The following POLR3E variants were observed in gnomAD, a reference collection of about 807,000 sequenced individuals.
POLR3E encodes the protein DNA-directed RNA polymerase III subunit RPC5.
A neutral mutation model predicts 96.6 loss-of-function variants in POLR3E; 41 were observed. That is an observed-to-expected ratio of 0.42 (90% CI 0.33 to 0.55). The LOEUF is 0.55. Ranked by LOEUF, POLR3E falls within the 20% of genes least tolerant of loss-of-function variation. The pLI is 0.06. For missense variants in POLR3E, 849 were observed against 952.1 expected, an observed-to-expected ratio of 0.89 and a Z score of 1.43; for synonymous variants, 396 against 383.6, an observed-to-expected ratio of 1.03 and a Z score of -0.38.
Position 22,313,126 on chromosome 16 carries a change from C to T in POLR3E, c.365-494C>T, listed in dbSNP as rs991801330. On this transcript the variant is annotated intron_variant, in intron 6 of 20. Coordinates refer to ENST00000299853, the MANE Select transcript of POLR3E (RefSeq NM_018119.4). This position sits in a 1 kb window ranked among gnomAD's most constrained non-coding sequence, Gnocchi z 4.1. ...GACACTCCACCCAGTTCTAGCAGGG[C>T]CTCTTCTCCAGCCACAGTGGCACTA... 6.6e-6 allele frequency among the ~76,000 whole-genome samples: 1 copy of T among 152,072 alleles called. No homozygotes were observed. The highest frequency in any genetic ancestry group is 1.5e-5 in the Non-Finnish European group (1 of 68,028).
At chr16:22,326,582 C>A (rs2048600619) in intron 18 of POLR3E, 1 of 499,240 alleles carries the variant, frequency 2.0e-6, no homozygotes, top group Non-Finnish European at 3.6e-6. Context: ...ACCCTGTCCC[C>A]CACCAAGAAC....
intron 17 of POLR3E, 64 bp from the exon 18 acceptor site, chr16:22,325,697 C>A: frequency 6.7e-7 from 1 of 1,491,662 alleles, no homozygotes; most frequent in East Asian, 2.3e-5. Context: ...CCCGCGGTCC[C>A]CTGCTGGGCT....
chr16:22,315,073 C>A lies in POLR3E; in HGVS notation c.523-16C>A, dbSNP rs1407874897. 5 of 1,612,154 alleles carry A rather than the reference C, an allele frequency of 3.1e-6. No individual in the cohort carries two copies. The highest frequency in any genetic ancestry group is 4.2e-6 in the Non-Finnish European group (5 of 1,179,578). ...CACAGGCCTGACGGTATGACCTCTT[C>A]CCCTTCCCACCGCAGGTGCGGTTCT... On this transcript the variant is annotated splice_polypyrimidine_tract_variant and intron_variant, in intron 8 of 20. Transcript: ENST00000299853.
intron 19 of POLR3E, 56 bp from the exon 20 acceptor site, chr16:22,332,004 G>C: frequency 6.3e-7 from 1 of 1,577,204 alleles, no homozygotes; most frequent in Non-Finnish European, 8.7e-7. Context: ...CTTGTTTGGG[G>C]ATGTTTCTCT....
At chr16:22,325,341 T>A in intron 17 of POLR3E, 75 bp downstream of exon 17, 1 of 1,209,146 alleles carries the variant, frequency 8.3e-7, no homozygotes, top group Non-Finnish European at 1.2e-6. Flanking sequence ...TGCTAGAGCT[T>A]GTCAGGCCCG....
intron 2 of POLR3E, among the ~76,000 whole-genome samples, chr16:22,304,254 C>T (rs374631231): frequency 6.6e-6 from 1 of 152,268 alleles, no homozygotes; most frequent in African/African-American, 2.4e-5. Context: ...AGCCTGACCT[C>T]CAGTGGGAAG....
chr16:22,333,243 AG>A lies in POLR3E; in HGVS notation c.2071-399del, dbSNP rs539994209. Among the ~76,000 whole-genome samples, 6 of 151,258 alleles carry A rather than the reference AG, an allele frequency of 4.0e-5. No individual in the cohort carries two copies. In the South Asian group the frequency reaches 1.3e-3, roughly 32 times the overall value. ...TGAGGTGGGTGGGTCACTTGAGGTC[AG>A]GAGTTTGAGACCAGCCTGACCAACA... On this transcript the variant is annotated intron_variant, in intron 20 of 20. Coordinates refer to ENST00000299853, the MANE Select transcript of POLR3E (RefSeq NM_018119.4).
At chr16:22,319,012 T>C in intron 13 of POLR3E, 66 bp downstream of exon 13, 1 of 1,260,816 alleles carries the variant, frequency 7.9e-7, no homozygotes, top group Non-Finnish European at 1.1e-6. Flanking sequence ...TTCACTCTTG[T>C]TGCCCAGGCT....
At chr16:22,298,522 A>C (rs1567303743) in intron 1 of POLR3E, among the ~76,000 whole-genome samples, 1 of 152,212 alleles carries the variant, frequency 6.6e-6, no homozygotes, top group Admixed American at 6.5e-5. Flanking sequence ...AAACCCAGAC[A>C]ACTCAGGTGG....
intron 1 of POLR3E, among the ~76,000 whole-genome samples, chr16:22,301,411 G>A (rs867897211): frequency 6.6e-6 from 1 of 151,994 alleles, no homozygotes; most frequent in African/African-American, 2.4e-5. Context: ...GCAAAGCCCC[G>A]TCTCTACTGA....
intron 1 of POLR3E, chr16:22,298,925 G>A (rs1325396721): frequency 8.8e-6 from 4 of 454,886 alleles, no homozygotes; most frequent in African/African-American, 2.0e-5. Context: ...CTTTGATGAA[G>A]TAAAGTATGA....
chr16:22,307,986 A>T (rs2048169459), intron 3 of POLR3E, among the ~76,000 whole-genome samples, 162 bp from the exon 4 acceptor site: 2 of 152,148 alleles, frequency 1.3e-5, no homozygotes, highest in South Asian at 4.1e-4. Flanking sequence ...GGAGACTGGC[A>T]GGGGTGCCTC....
chr16:22,332,162 C>A lies in POLR3E; in HGVS notation c.2047C>A (p.Gln683Lys). The A allele has an allele frequency of 6.2e-7, 1 of 1,613,424 alleles. No individual in the cohort carries two copies. The highest frequency in any genetic ancestry group is 8.5e-7 in the Non-Finnish European group (1 of 1,179,428). Reference protein sequence around the residue: ...TQECGEDLSKQEVDKVLKDCC... With the variant: ...TQECGEDLSKKEVDKVLKDCC... ...AGAGTGTGGAGAAGATCTCAGTAAA[C>A]AGGAGGTGGATAAAGTACTAAAGGT... The change falls in exon 20 of 21, where the codon CAG becomes AAG. Residue 683 changes from glutamine (Q) to lysine (K), a missense_variant. Coordinates refer to ENST00000299853, the MANE Select transcript of POLR3E (RefSeq NM_018119.4).
At chr16:22,317,273 G>T (rs536267446) in intron 12 of POLR3E, 67 bp downstream of exon 12, 2 of 1,150,948 alleles carry the variant, frequency 1.7e-6, no homozygotes, top group Non-Finnish European at 1.3e-6. Context: ...TGGACTCTGT[G>T]GGACAGTGAG....
chr16:22,330,988 CTTTTTTTTTTTTTTTTTTTTT>C (rs56100056), intron 19 of POLR3E, among the ~76,000 whole-genome samples: 4 of 50,732 alleles, frequency 7.9e-5, no homozygotes, highest in East Asian at 1.5e-3. Flanking sequence ...ATGAAGCATC[CTTTTTTTTTTTTTTTTTTTTT>C]TTTTTTTTTT....
chr16:22,298,120 G>A (rs1364752656), intron 1 of POLR3E, among the ~76,000 whole-genome samples: 1 of 152,260 alleles, frequency 6.6e-6, no homozygotes, highest in Non-Finnish European at 1.5e-5. Flanking sequence ...TCCGGATACA[G>A]CCCTGACCAT....
chr16:22,306,344 T>TG (rs1298531419), intron 3 of POLR3E, among the ~76,000 whole-genome samples: 1 of 152,208 alleles, frequency 6.6e-6, no homozygotes, highest in African/African-American at 2.4e-5. Flanking sequence ...CCACAACCTC[T>TG]GCCTCCCAGG....
rs748016595 is a variant in POLR3E, at chr16:22,314,140, C to T, written c.522+12C>T. ...TTAAGCAGATCACGGTGAGCCCTGG[C>T]CCCTGGAGGAGGAGGGTGCTGCCTG... On this transcript the variant is annotated intron_variant, in intron 8 of 20. Transcript: ENST00000299853. 8 of 1,611,856 alleles carry T rather than the reference C, an allele frequency of 5.0e-6. No homozygotes were observed. In the East Asian group the frequency reaches 1.3e-4, roughly 27 times the overall value.
chr16:22,327,803 C>T (rs1230354965), intron 18 of POLR3E: 1 of 152,288 alleles, frequency 6.6e-6, no homozygotes, highest in African/African-American at 2.4e-5. Context: ...TCCCCATGTA[C>T]TACCTCCCCA....
Sources: gnomAD v4.1 joint callset for allele counts (sites outside exome capture counted in the v4.1 genomes callset) on GRCh38, gnomAD v4.1.1 for gene constraint, Gnocchi (gnomAD v3.1) non-coding constraint, MANE v1.5 for transcripts, NCBI Gene and HGNC (gene_info 2026-07-23, HGNC 2026-07-21) for gene names.